Variants in HCN1 observed in about 807,000 individuals in gnomAD.
The protein encoded by HCN1 is hyperpolarization activated cyclic nucleotide gated potassium channel 1, also known as potassium/sodium hyperpolarization-activated cyclic nucleotide-gated channel 1.
A neutral mutation model predicts 78.9 loss-of-function variants in HCN1; 13 were observed. That is an observed-to-expected ratio of 0.16 (90% CI 0.11 to 0.26). The LOEUF (loss-of-function observed/expected upper bound fraction) is 0.26. HCN1 is among the 10% of genes least tolerant of loss of function. HCN1 has a pLI of 1.00. For missense variants in HCN1, 810 were observed against 1,154.3 expected, an observed-to-expected ratio of 0.70 and a Z score of 4.32; for synonymous variants, 552 against 455.5, an observed-to-expected ratio of 1.21 and a Z score of -2.70.
At chr5:45,569,348 T>A (rs1743778896) in intron 2 of HCN1, among the ~76,000 whole-genome samples, 1 of 152,194 alleles carries the variant, frequency 6.6e-6, no homozygotes, top group South Asian at 2.1e-4. Flanking sequence ...AAATTATTAC[T>A]TTTCCTCCTC....
chr5:45,567,368 C>T (rs1274322545), intron 2 of HCN1, among the ~76,000 whole-genome samples: 1 of 151,988 alleles, frequency 6.6e-6, no homozygotes, highest in Non-Finnish European at 1.5e-5. Flanking sequence ...AGGAAACAAG[C>T]AACTTTCTTA....
intron 4 of HCN1, among the ~76,000 whole-genome samples, chr5:45,354,482 C>T (rs1471182833): frequency 6.6e-6 from 1 of 151,940 alleles, no homozygotes; most frequent in Non-Finnish European, 1.5e-5. Context: ...TTCTTGATAA[C>T]ACAGCTCTGA....
intron 2 of HCN1, among the ~76,000 whole-genome samples, chr5:45,527,707 T>G (rs186123375): frequency 6.6e-6 from 1 of 152,058 alleles, no homozygotes; most frequent in Non-Finnish European, 1.5e-5. Flanking sequence ...GCCCAGAAAC[T>G]TCCTTCACAT....
Position 45,262,204 on chromosome 5 carries a change from A to G in HCN1, c.2390T>C (p.Val797Ala). Residue 797 changes from valine to alanine, a missense_variant, in exon 8 of 8, where the codon GTG becomes GCG. Physicochemically the swap from Val to Ala is moderately conservative, Grantham distance 64. Around this residue, in one of 6 missense-constraint regions of HCN1, gnomAD observed 398 missense variants for 381.3 expected, o/e 1.04. Transcript: ENST00000303230. ...SASQPSLPHE[V>A]STLISRPHPT... ...ATGAGGTCTGGAAATCAGAGTGGAC[A>G]CCTCATGGGGCAGCGAGGGCTGCGA... 1 of 1,613,978 alleles carries G rather than the reference A, an allele frequency of 6.2e-7. No individual in the cohort carries two copies. The highest frequency in any genetic ancestry group is 1.3e-5 in the African/African-American group (1 of 75,054).
chr5:45,696,028 G>T lies in HCN1; in HGVS notation c.66C>A (p.Pro22=). ...CCGCGCCCGTCGCGGACGCCTTGGC[G>T]GGGAAGACGCTGTTGCCATCGTCCC... The part of the protein sequence containing the change: ...NSRDDGNSVF[P]AKASATGAGP... The change falls in exon 1 of 8, where the codon CCC becomes CCA. Residue 22 remains proline, a synonymous_variant. Coordinates refer to ENST00000303230, the MANE Select transcript of HCN1 (RefSeq NM_021072.4). The T allele has an allele frequency of 1.5e-6, 2 of 1,328,886 alleles. No homozygotes were observed. The highest frequency in any genetic ancestry group is 1.5e-5 in the African/African-American group (1 of 65,206). The allele number at this position is 1,328,886 out of a possible 1,614,324, so 82.3% of individuals were successfully genotyped here.
intron 2 of HCN1, among the ~76,000 whole-genome samples, chr5:45,548,874 C>G (rs1199614411): frequency 2.0e-5 from 3 of 151,636 alleles, no homozygotes; most frequent in African/African-American, 4.8e-5. Flanking sequence ...AGAGCCAAAT[C>G]ATGAGTGAAC....
intron 2 of HCN1, among the ~76,000 whole-genome samples, chr5:45,475,621 C>G (rs1238135847): frequency 8.9e-4 from 135 of 152,212 alleles, no homozygotes; most frequent in African/African-American, 3.2e-3. Flanking sequence ...AGGTTACTAT[C>G]ATTATTATCT....
chr5:45,370,972 G>T (rs780597895), intron 4 of HCN1, among the ~76,000 whole-genome samples: 4 of 152,040 alleles, frequency 2.6e-5, no homozygotes, highest in Admixed American at 1.3e-4. Context: ...TATTTGCTAG[G>T]ATAAGCAAAG....
rs544055401 is a variant in HCN1, at chr5:45,344,001, C to G, written c.1377+9099G>C. 2.0e-5 allele frequency among the ~76,000 whole-genome samples: 3 copies of G among 152,160 alleles called. No individual in the cohort carries two copies. The East Asian group carries it at 5.8e-4, about 29-fold the overall frequency. On this transcript the variant is annotated intron_variant, in intron 5 of 7. Transcript: ENST00000303230. ...TATAATGCTGTTAATAAAGACATAA[C>G]TGAGACCGAGTAATTTATAAACAAA...
rs564632683 is a variant in HCN1 at position 45,684,871 on chromosome 5, A to G, written c.425+10798T>C. Among the ~76,000 whole-genome samples the G allele has an allele frequency of 3.3e-5, 5 of 152,308 alleles. No homozygotes were observed. In the East Asian group the frequency reaches 9.7e-4, roughly 29 times the overall value. On this transcript the variant is annotated intron_variant, in intron 1 of 7. Coordinates refer to ENST00000303230, the MANE Select transcript of HCN1 (RefSeq NM_021072.4). ...AGCAAGACTCTGTCTCAAAAAACAA[A>G]TAAACAAAAAACTAATCAAGTAACT... is the stretch of plus-strand genomic sequence containing the variant.
Position 45,267,267 on chromosome 5 carries a change from C to G in HCN1, c.1619-14G>C. 1 of 1,613,108 alleles carries G rather than the reference C, an allele frequency of 6.2e-7. No individual in the cohort carries two copies. Among genetic ancestry groups the G allele is most frequent in the Non-Finnish European group, 8.5e-7 (1 of 1,179,234 alleles). On this transcript the variant is annotated splice_polypyrimidine_tract_variant and intron_variant, in intron 6 of 7. Transcript: ENST00000303230. ...GCAGGCAAATCTCTATAAAAACAAA[C>G]AACAAAGAAGAATGACTTGTTTGAT...
chr5:45,486,458 A>C (rs970105593), intron 2 of HCN1, among the ~76,000 whole-genome samples: 5 of 152,266 alleles, frequency 3.3e-5, no homozygotes, highest in African/African-American at 1.2e-4. Context: ...CCTACTAAAC[A>C]TATAAAGAGT....
chr5:45,596,415 A>C (rs1744496098), intron 2 of HCN1, among the ~76,000 whole-genome samples: 1 of 152,232 alleles, frequency 6.6e-6, no homozygotes, highest in South Asian at 2.1e-4. Context: ...TGACTTTCAC[A>C]AAGACTGAAA....
At position 45,342,010 on chromosome 5, in the gene HCN1, T is replaced by C. The variant is rs185365369; in HGVS notation, c.1377+11090A>G. On this transcript the variant is annotated intron_variant, in intron 5 of 7. Coordinates refer to ENST00000303230, the MANE Select transcript of HCN1 (RefSeq NM_021072.4). Reference sequence around the variant, plus strand: ...TAAAAAAATCTGTAAAGGGCACCCATTTTTCTTCAGTGAATAATGTGAACC... The same window carrying C: ...TAAAAAAATCTGTAAAGGGCACCCACTTTTCTTCAGTGAATAATGTGAACC... 2.8e-3 allele frequency among the ~76,000 whole-genome samples: 426 copies of C among 152,212 alleles called. 1 individual carries two copies. The highest frequency in any genetic ancestry group is 9.7e-3 in the African/African-American group (405 of 41,544).
At chr5:45,304,071 C>T (rs748580891) in intron 5 of HCN1, among the ~76,000 whole-genome samples, 13 of 151,914 alleles carry the variant, frequency 8.6e-5, no homozygotes, top group African/African-American at 2.7e-4. Flanking sequence ...ATTAAATATT[C>T]GATAAATGTT....
In HCN1 at chr5:45,430,777, G is replaced by A. The variant is rs536086732; in HGVS notation, c.1011+31069C>T. On this transcript the variant is annotated intron_variant, in intron 3 of 7. Coordinates refer to ENST00000303230, the MANE Select transcript of HCN1 (RefSeq NM_021072.4). ...GTGGAGCTTGCAGTGAGCTGAGGTC[G>A]CACCACTGGACTCCAGCCTGGGCGA... 3.7e-4 allele frequency among the ~76,000 whole-genome samples: 57 copies of A among 152,094 alleles called. 1 individual carries two copies. The highest frequency in any genetic ancestry group is 3.4e-3 in the Middle Eastern group (1 of 294).
In HCN1 at chr5:45,683,876, G is replaced by T. The variant is rs112160788; in HGVS notation, c.425+11793C>A. ...TGTAGAGACGGGGTCTCGCCATGTT[G>T]CCCAGGCTGGTCTGAAACTCCTGAG... On this transcript the variant is annotated intron_variant, in intron 1 of 7. Transcript: ENST00000303230. Among the ~76,000 whole-genome samples the T allele has an allele frequency of 6.2e-3, 941 of 151,992 alleles. 7 individuals are homozygous for T. The highest frequency in any genetic ancestry group is 0.022 in the African/African-American group (895 of 41,444).
intron 5 of HCN1, among the ~76,000 whole-genome samples, chr5:45,309,436 T>C (rs2111913957): frequency 6.6e-6 from 1 of 152,240 alleles, no homozygotes. Context: ...GATACCCTAG[T>C]CTGGTGCTGG....
chr5:45,410,417 C>G (rs1184961528), intron 3 of HCN1, among the ~76,000 whole-genome samples: 1 of 151,974 alleles, frequency 6.6e-6, no homozygotes, highest in Non-Finnish European at 1.5e-5. Flanking sequence ...CAAAAGTACT[C>G]TTATGAGATC....
Sources: gnomAD v4.1 joint callset for allele counts (sites outside exome capture counted in the v4.1 genomes callset) on GRCh38, gnomAD v4.1.1 for gene constraint, gnomAD v4.1.1 regional missense constraint, MANE v1.5 for transcripts, NCBI Gene and HGNC (gene_info 2026-07-23, HGNC 2026-07-21) for gene names.